Variants in CNTNAP5 observed in about 807,000 individuals in gnomAD.
The protein encoded by CNTNAP5 is contactin associated protein family member 5.
In CNTNAP5, 72 loss-of-function variants were observed where a neutral mutation model predicts 150.2. The ratio of observed to expected loss-of-function variants is 0.48; its 90% CI spans 0.40 to 0.58. The LOEUF is 0.58. Among genes scored for constraint, CNTNAP5 ranks in the 20% least tolerant of loss-of-function variants. The pLI is 0.00. For synonymous variants in CNTNAP5, 672 were observed against 619.8 expected, an observed-to-expected ratio of 1.08 and a Z score of -1.25; for missense variants, 1,636 against 1,626.2, an observed-to-expected ratio of 1.01 and a Z score of -0.10.
chr2:124,302,870 C>G (rs540953632), intron 3 of CNTNAP5, among the ~76,000 whole-genome samples: 2 of 152,192 alleles, frequency 1.3e-5, no homozygotes, highest in South Asian at 4.1e-4. Context: ...CCTTTTTTGC[C>G]TTTGGTGAAA....
intron 13 of CNTNAP5, among the ~76,000 whole-genome samples, chr2:124,661,096 G>A (rs978430869): frequency 1.3e-5 from 2 of 152,038 alleles, no homozygotes; most frequent in African/African-American, 4.8e-5. Flanking sequence ...GAAATTACAA[G>A]GTGCCACTGT....
At chr2:124,477,569 C>A (rs1573400333) in intron 7 of CNTNAP5, among the ~76,000 whole-genome samples, 1 of 152,110 alleles carries the variant, frequency 6.6e-6, no homozygotes, top group East Asian at 1.9e-4. Flanking sequence ...TGGCTAATGC[C>A]CAAGGCTCCT....
At chr2:124,779,858 T>C (rs898662782) in intron 17 of CNTNAP5, among the ~76,000 whole-genome samples, 1 of 152,148 alleles carries the variant, frequency 6.6e-6, no homozygotes, top group African/African-American at 2.4e-5. Context: ...CCCCCCTATC[T>C]CTGTGAGCAC....
chr2:124,379,451 A>G (rs1433996972), intron 3 of CNTNAP5, among the ~76,000 whole-genome samples: 2 of 152,030 alleles, frequency 1.3e-5, no homozygotes, highest in South Asian at 2.1e-4. Context: ...GTCAATATAC[A>G]TTTACATTTC....
chr2:124,305,748 T>C (rs898021013), intron 3 of CNTNAP5, among the ~76,000 whole-genome samples: 2 of 152,224 alleles, frequency 1.3e-5, no homozygotes, highest in African/African-American at 4.8e-5. Flanking sequence ...CATTATGGGA[T>C]GACACAGCAT....
chr2:124,221,717 A>G lies in CNTNAP5; in HGVS notation c.95A>G (p.Asp32Gly), dbSNP rs778499567. 1 of 1,608,372 alleles carries G rather than the reference A, an allele frequency of 6.2e-7. No individual in the cohort carries two copies. The highest frequency in any genetic ancestry group is 8.5e-7 in the Non-Finnish European group (1 of 1,176,078). ...CCTATCATTATAGACAACTGTGATG[A>G]TCCACTAGCATCCCTGCTCTCTCCA... is the stretch of plus-strand genomic sequence containing the variant. The part of the protein sequence containing the change: ...GLTATNYNCD[D>G]PLASLLSPMA... The change falls in exon 2 of 24, where the codon GAT becomes GGT. Residue 32 changes from aspartate to glycine, a missense_variant. Transcript: ENST00000682447.
intron 13 of CNTNAP5, among the ~76,000 whole-genome samples, chr2:124,648,565 A>C (rs1678254484): frequency 6.6e-6 from 1 of 152,170 alleles, no homozygotes; most frequent in African/African-American, 2.4e-5. Flanking sequence ...ACTGCATATG[A>C]ATTTATTTAT....
At chr2:124,264,892 CTG>C (rs1379834681) in intron 3 of CNTNAP5, among the ~76,000 whole-genome samples, 1 of 152,208 alleles carries the variant, frequency 6.6e-6, no homozygotes, top group Non-Finnish European at 1.5e-5. Context: ...GTATCTGAGT[CTG>C]TGTCTGTGTG....
At chr2:124,532,222 TA>T (rs921488325) in intron 10 of CNTNAP5, among the ~76,000 whole-genome samples, 3 of 152,202 alleles carry the variant, frequency 2.0e-5, no homozygotes, top group Non-Finnish European at 2.9e-5. Context: ...ATTCCTCACA[TA>T]AAAGTTTTTT....
At chr2:124,209,436 C>A (rs13027052) in intron 1 of CNTNAP5, among the ~76,000 whole-genome samples, 2,498 of 152,306 alleles carry the variant, frequency 0.016, 36 homozygotes, top group Middle Eastern at 0.037. Flanking sequence ...ACTCATAGGA[C>A]AAATGGTAAT....
chr2:124,139,179 T>G (rs1399305683), intron 1 of CNTNAP5, among the ~76,000 whole-genome samples: 1 of 151,964 alleles, frequency 6.6e-6, no homozygotes, highest in Non-Finnish European at 1.5e-5. Context: ...TTCTAATCTT[T>G]GATCAATAAA....
chr2:124,264,490 G>T (rs936105037), intron 3 of CNTNAP5, among the ~76,000 whole-genome samples: 2 of 151,636 alleles, frequency 1.3e-5, no homozygotes, highest in Non-Finnish European at 2.9e-5. Context: ...TCGGACAGTT[G>T]ATCCTTTTGA....
chr2:124,477,859 A>G (rs960682079), intron 7 of CNTNAP5, among the ~76,000 whole-genome samples: 1 of 152,052 alleles, frequency 6.6e-6, no homozygotes, highest in Non-Finnish European at 1.5e-5. Context: ...GATTAGCCTA[A>G]TGTCAGAAAT....
chr2:124,469,043 C>T (rs1435726872), intron 6 of CNTNAP5, among the ~76,000 whole-genome samples: 1 of 152,180 alleles, frequency 6.6e-6, no homozygotes, highest in Admixed American at 6.6e-5. Flanking sequence ...GTCTTGTGAC[C>T]TCTATCCATA....
intron 12 of CNTNAP5, among the ~76,000 whole-genome samples, chr2:124,634,491 C>CGT (rs370767526): frequency 4.4e-4 from 67 of 151,232 alleles, no homozygotes; most frequent in Middle Eastern, 3.4e-3. Context: ...CAGGCACACA[C>CGT]GTGTGTGTGT....
intron 2 of CNTNAP5, among the ~76,000 whole-genome samples, chr2:124,228,437 T>C (rs750523181): frequency 5.9e-5 from 9 of 152,156 alleles, no homozygotes; most frequent in Admixed American, 5.9e-4. Context: ...CCCAGTCAAC[T>C]TGACACCTAA....
At chr2:124,514,537 C>T (rs1191081313) in intron 8 of CNTNAP5, among the ~76,000 whole-genome samples, 2 of 152,098 alleles carry the variant, frequency 1.3e-5, no homozygotes, top group East Asian at 3.9e-4. Flanking sequence ...GCACTGGGTA[C>T]TGTGGTTGAA....
intron 3 of CNTNAP5, among the ~76,000 whole-genome samples, chr2:124,273,324 A>G (rs1412346603): frequency 2.0e-5 from 3 of 152,322 alleles, no homozygotes; most frequent in Middle Eastern, 3.4e-3. Context: ...ATCCAAGATC[A>G]GTGTTCTGAT....
chr2:124,291,553 T>G (rs1688293572), intron 3 of CNTNAP5, among the ~76,000 whole-genome samples: 1 of 152,068 alleles, frequency 6.6e-6, no homozygotes, highest in South Asian at 2.1e-4. Context: ...TGTTTTTTTT[T>G]TTATATGCGT....
Sources: allele counts gnomAD v4.1 joint callset (sites outside exome capture counted in the v4.1 genomes callset), GRCh38; gene constraint gnomAD v4.1.1; transcripts MANE v1.5; gene names NCBI Gene and HGNC (gene_info 2026-07-23, HGNC 2026-07-21).